The following KAZN variants were observed in gnomAD, a reference collection of about 807,000 sequenced individuals.
The protein encoded by KAZN is kazrin, periplakin interacting protein.
KAZN carries 40 observed loss-of-function variants against 87.4 expected under a neutral mutation model. The observed-to-expected ratio is 0.46, with a 90% CI of 0.36 to 0.60. KAZN has a LOEUF of 0.60. Among genes scored for constraint, KAZN ranks in the 20% least tolerant of loss-of-function variants. The pLI, the probability that KAZN is intolerant of heterozygous loss-of-function variation, is 0.00. For synonymous variants in KAZN, 466 were observed against 458.3 expected, an observed-to-expected ratio of 1.02 and a Z score of -0.22; for missense variants, 898 against 1,073.9, an observed-to-expected ratio of 0.84 and a Z score of 2.29.
At position 15,094,280 on chromosome 1, in the gene KAZN, C is replaced by T. The variant is rs571369067; in HGVS notation, c.1323C>T (p.Thr441=). The T allele has an allele frequency of 1.2e-6, 2 of 1,613,992 alleles. No individual in the cohort carries two copies. Among genetic ancestry groups the T allele is most frequent in the East Asian group, 2.2e-5 (1 of 44,878 alleles). Residue 441 remains threonine (T), a synonymous_variant, in exon 9 of 15, where the codon ACC becomes ACT. Transcript: ENST00000376030. The surrounding 1 kb of genome is among the most constrained non-coding windows in gnomAD (Gnocchi z 4.5). The stretch of plus-strand genomic sequence containing the variant: ...AGCAGGTGGAGCTGGTGAGGACCAC[C>T]CCTATGTCCCACTGGAAGGCGGGCA... ...RLQQVELVRT[T]PMSHWKAGTV...
intron 1 of KAZN, among the ~76,000 whole-genome samples, chr1:14,059,939 T>C (rs79028730): frequency 0.053 from 8,091 of 152,248 alleles, 585 homozygotes; most frequent in African/African-American, 0.16. Flanking sequence ...CAGAACCTGT[T>C]CTGGAAGCCT....
chr1:15,012,080 G>A (rs143473517), intron 2 of KAZN, among the ~76,000 whole-genome samples: 16 of 152,292 alleles, frequency 1.1e-4, no homozygotes, highest in Non-Finnish European at 1.3e-4. Flanking sequence ...TCCCTTGCAT[G>A]TGGAGTAGCC....
At chr1:14,314,853 T>G (rs1241673831) in intron 2 of KAZN, among the ~76,000 whole-genome samples, 1 of 152,090 alleles carries the variant, frequency 6.6e-6, no homozygotes, top group Non-Finnish European at 1.5e-5. Flanking sequence ...CCCCAGTCCC[T>G]GGAAACCACT....
At chr1:14,926,620 A>G (rs772815095) in intron 1 of KAZN, among the ~76,000 whole-genome samples, 6 of 152,190 alleles carry the variant, frequency 3.9e-5, no homozygotes, top group Non-Finnish European at 7.3e-5. Flanking sequence ...GAGAACTTCC[A>G]TGATGGCTAG....
At chr1:14,431,444 G>C (rs1263042597) in intron 2 of KAZN, among the ~76,000 whole-genome samples, 1 of 152,170 alleles carries the variant, frequency 6.6e-6, no homozygotes, top group East Asian at 1.9e-4. Flanking sequence ...GCAGATAATG[G>C]GGACCTGTGA....
chr1:14,770,408 T>C (rs1307918243), intron 1 of KAZN, among the ~76,000 whole-genome samples: 2 of 152,054 alleles, frequency 1.3e-5, no homozygotes, highest in Non-Finnish European at 2.9e-5. Flanking sequence ...ACTCAACAGG[T>C]AGAATCAGTG....
Position 14,773,238 on chromosome 1 carries a change from G to C in KAZN, c.226+174015G>C, listed in dbSNP as rs1167443912. 3.9e-5 allele frequency among the ~76,000 whole-genome samples: 6 copies of C among 152,242 alleles called. No individual in the cohort carries two copies. The highest frequency in any genetic ancestry group is 1.4e-4 in the African/African-American group (6 of 41,546). On this transcript the variant is annotated intron_variant, in intron 1 of 14. Coordinates refer to ENST00000376030, the MANE Select transcript of KAZN (RefSeq NM_201628.3). The surrounding 1 kb of genome is among the most constrained non-coding windows in gnomAD (Gnocchi z 5.9). ...GCCCCAACACTTCCGGAAGAGATCT[G>C]ATACTGAGATCCCGCTAGTCATGGG...
At chr1:14,625,509 C>G (rs975576286) in intron 1 of KAZN, among the ~76,000 whole-genome samples, 2 of 152,154 alleles carry the variant, frequency 1.3e-5, no homozygotes, top group South Asian at 4.1e-4. Context: ...CCCAAAAAAG[C>G]CCCAAAGAGG....
At chr1:14,994,690 G>A (rs1234602396) in intron 2 of KAZN, among the ~76,000 whole-genome samples, 2 of 152,238 alleles carry the variant, frequency 1.3e-5, no homozygotes, top group East Asian at 1.9e-4. Flanking sequence ...CACGTGGGGA[G>A]TGGAGAATAT....
intron 8 of KAZN, among the ~76,000 whole-genome samples, chr1:15,075,875 C>T (rs574070401): frequency 8.8e-4 from 134 of 152,342 alleles, no homozygotes; most frequent in African/African-American, 3.0e-3. Flanking sequence ...AGGGGATGGG[C>T]ATGTCCATGC....
chr1:14,864,707 C>T (rs997566946), intron 1 of KAZN, among the ~76,000 whole-genome samples: 1 of 152,172 alleles, frequency 6.6e-6, no homozygotes, highest in African/African-American at 2.4e-5. Flanking sequence ...CATCCCCCAA[C>T]AGCATCTGGC....
intron 1 of KAZN, among the ~76,000 whole-genome samples, chr1:14,051,722 C>A (rs1190881523): frequency 6.6e-6 from 1 of 152,106 alleles, no homozygotes; most frequent in East Asian, 1.9e-4. Context: ...CACATGTAGT[C>A]CCAGCTACTT....
chr1:14,734,947 TGTAG>T (rs1643849775), intron 1 of KAZN, among the ~76,000 whole-genome samples: 1 of 152,184 alleles, frequency 6.6e-6, no homozygotes, highest in Admixed American at 6.5e-5. Flanking sequence ...CCAATCTCTG[TGTAG>T]GTTGTAAAAT....
At chr1:15,009,056 C>T (rs1003567698) in intron 2 of KAZN, among the ~76,000 whole-genome samples, 1 of 152,214 alleles carries the variant, frequency 6.6e-6, no homozygotes, top group Non-Finnish European at 1.5e-5. Flanking sequence ...CGAGCCCGCC[C>T]GCTGGGGTGA....
intron 1 of KAZN, among the ~76,000 whole-genome samples, chr1:14,919,674 T>C (rs1448438392): frequency 6.6e-6 from 1 of 152,236 alleles, no homozygotes; most frequent in Non-Finnish European, 1.5e-5. Context: ...CTGGAAGATC[T>C]CAGTAAAACA....
intron 1 of KAZN, among the ~76,000 whole-genome samples, chr1:14,699,448 C>T (rs574027740): frequency 8.1e-4 from 124 of 152,296 alleles, no homozygotes; most frequent in Middle Eastern, 3.4e-3. Context: ...TTAGGCTAGG[C>T]GCTGGGAATA....
intron 1 of KAZN, among the ~76,000 whole-genome samples, chr1:14,711,206 A>C (rs958247140): frequency 6.6e-6 from 1 of 151,888 alleles, no homozygotes; most frequent in African/African-American, 2.4e-5. Flanking sequence ...TTTCGAAAAG[A>C]AGTATTATTG....
At chr1:14,998,684 G>A (rs1573019210) in intron 2 of KAZN, among the ~76,000 whole-genome samples, 3 of 152,288 alleles carry the variant, frequency 2.0e-5, no homozygotes, top group East Asian at 3.9e-4. Context: ...GAGTAGCTGG[G>A]ATTACAGGCG....
chr1:13,981,720 G>A (rs148761433), intron 1 of KAZN, among the ~76,000 whole-genome samples: 25 of 152,326 alleles, frequency 1.6e-4, no homozygotes, highest in Non-Finnish European at 3.4e-4. Flanking sequence ...CACCTCCAGC[G>A]TATGAATGAA....
Sources: gnomAD v4.1 joint callset for allele counts (sites outside exome capture counted in the v4.1 genomes callset) on GRCh38, gnomAD v4.1.1 for gene constraint, Gnocchi (gnomAD v3.1) non-coding constraint, MANE v1.5 for transcripts, NCBI Gene and HGNC (gene_info 2026-07-23, HGNC 2026-07-21) for gene names.